Variants in COMMD10 observed in about 807,000 individuals in gnomAD.
The protein encoded by COMMD10 is COMM domain containing 10, also known as COMM domain-containing protein 10.
In COMMD10, 33 loss-of-function variants were observed where a neutral mutation model predicts 28.9. That is an observed-to-expected ratio of 1.14 (90% CI 0.87 to 1.53). The LOEUF (loss-of-function observed/expected upper bound fraction) is 1.53, where lower values mean the gene tolerates loss of function less well. COMMD10 is among the 40% of genes most tolerant of loss of function. COMMD10 has a pLI of 0.00. For missense variants in COMMD10, 310 were observed against 233.4 expected (o/e 1.33, Z -2.14); for synonymous variants, 110 against 81.7 (o/e 1.35, Z -1.87).
chr5:116,166,508 C>T lies in COMMD10; in HGVS notation c.510+32330C>T, dbSNP rs571927235. Among the ~76,000 whole-genome samples the T allele has an allele frequency of 4.6e-5, 7 of 151,750 alleles. No individual in the cohort carries two copies. In the East Asian group the frequency reaches 1.4e-3, roughly 29 times the overall value. The stretch of plus-strand genomic sequence containing the variant: ...CAAGCTCTGTTAAGGGACAGACTGC[C>T]TCCTCAAGTGGGTCCCCGGCCCCCG... On this transcript the variant is annotated intron_variant, in intron 5 of 6. Transcript: ENST00000274458.
chr5:116,095,051 G>C (rs953907377), intron 4 of COMMD10, among the ~76,000 whole-genome samples: 3 of 152,160 alleles, frequency 2.0e-5, no homozygotes, highest in African/African-American at 4.8e-5. Context: ...TGGATGAGTA[G>C]AAGTTGGTTA....
intron 2 of COMMD10, 120 bp downstream of exon 2, chr5:116,087,707 T>C (rs567086456): frequency 2.9e-5 from 19 of 660,528 alleles, no homozygotes; most frequent in African/African-American, 2.3e-4. Context: ...GAGACACTGG[T>C]TCTGTGGAAG....
At chr5:116,131,068 C>G (rs1276871314) in intron 4 of COMMD10, among the ~76,000 whole-genome samples, 1 of 151,750 alleles carries the variant, frequency 6.6e-6, no homozygotes, top group Non-Finnish European at 1.5e-5. Context: ...ACTGATTGGA[C>G]AGAACACTTA....
At chr5:116,105,217 C>A (rs533293731) in intron 4 of COMMD10, among the ~76,000 whole-genome samples, 1 of 152,220 alleles carries the variant, frequency 6.6e-6, no homozygotes, top group African/African-American at 2.4e-5. Context: ...TTGAGATAAT[C>A]TTGTTGTTTT....
intron 5 of COMMD10, among the ~76,000 whole-genome samples, chr5:116,150,090 C>A (rs923712672): frequency 6.6e-6 from 1 of 152,076 alleles, no homozygotes; most frequent in Non-Finnish European, 1.5e-5. Context: ...GCCAGTTTCC[C>A]CAGCACCATT....
Position 116,134,196 on chromosome 5 carries a change from A to G in COMMD10, c.510+18A>G, listed in dbSNP as rs774856054. ...ATTCAAAGGTAAGAAATGGTATCCC[A>G]TTAAAAGGATGTATTTTGTTTGTTA... On this transcript the variant is annotated intron_variant, in intron 5 of 6. Coordinates refer to ENST00000274458, the MANE Select transcript of COMMD10 (RefSeq NM_016144.4). 1.5e-6 allele frequency: 2 copies of G among 1,366,930 alleles called. No homozygotes were observed. Among genetic ancestry groups the G allele is most frequent in the East Asian group, 2.3e-5 (1 of 43,728 alleles). The allele number at this position is 1,366,930 out of a possible 1,614,324, so 84.7% of individuals were successfully genotyped here.
At chr5:116,166,424 G>A (rs569266351) in intron 5 of COMMD10, among the ~76,000 whole-genome samples, 1 of 152,270 alleles carries the variant, frequency 6.6e-6, no homozygotes, top group South Asian at 2.1e-4. Flanking sequence ...TTTGCACCAT[G>A]TAATGCATTG....
intron 5 of COMMD10, among the ~76,000 whole-genome samples, chr5:116,164,422 A>G (rs1753025204): frequency 6.6e-6 from 1 of 152,226 alleles, no homozygotes; most frequent in South Asian, 2.1e-4. Context: ...GGTAATTGAC[A>G]GTTGTTCACA....
At chr5:116,264,720 A>C (rs1486359983) in intron 5 of COMMD10, among the ~76,000 whole-genome samples, 1 of 151,658 alleles carries the variant, frequency 6.6e-6, no homozygotes, top group African/African-American at 2.4e-5. Flanking sequence ...TTTCTTTAGG[A>C]GCTTGATGGA....
intron 5 of COMMD10, among the ~76,000 whole-genome samples, chr5:116,189,668 G>T (rs996020120): frequency 4.6e-5 from 7 of 152,082 alleles, no homozygotes; most frequent in East Asian, 1.9e-4. Flanking sequence ...ATTTTTTATA[G>T]CCACAGCTGC....
chr5:116,162,867 A>G (rs534292128), intron 5 of COMMD10, among the ~76,000 whole-genome samples: 123 of 34,700 alleles, frequency 3.5e-3, no homozygotes, highest in African/African-American at 0.018. Context: ...TTTAGATACA[A>G]CACCTTTTTA....
At chr5:116,199,163 G>T (rs1580542188) in intron 5 of COMMD10, among the ~76,000 whole-genome samples, 1 of 152,108 alleles carries the variant, frequency 6.6e-6, no homozygotes, top group Admixed American at 6.6e-5. Context: ...TAGTAAGTGT[G>T]TAGTAGTTTC....
chr5:116,281,320 C>T (rs984448576), intron 5 of COMMD10, among the ~76,000 whole-genome samples: 2 of 151,600 alleles, frequency 1.3e-5, no homozygotes, highest in Non-Finnish European at 2.9e-5. Context: ...ATTCTATTTC[C>T]ATGGGAATTT....
At chr5:116,152,049 A>G (rs1265161848) in intron 5 of COMMD10, among the ~76,000 whole-genome samples, 1 of 152,124 alleles carries the variant, frequency 6.6e-6, no homozygotes, top group Non-Finnish European at 1.5e-5. Flanking sequence ...AGATTCTGGT[A>G]TGTTGTGTCT....
chr5:116,276,095 A>G (rs1386783171), intron 5 of COMMD10, among the ~76,000 whole-genome samples: 1 of 151,366 alleles, frequency 6.6e-6, no homozygotes, highest in East Asian at 1.9e-4. Flanking sequence ...CAGCAGGTGG[A>G]TAGGAGGGGG....
At chr5:116,204,290 G>A (rs1472913427) in intron 5 of COMMD10, among the ~76,000 whole-genome samples, 1 of 152,098 alleles carries the variant, frequency 6.6e-6, no homozygotes, top group East Asian at 1.9e-4. Context: ...CAATAATAAT[G>A]GAAGACTTTA....
intron 5 of COMMD10, among the ~76,000 whole-genome samples, chr5:116,272,521 T>G (rs1448961221): frequency 1.3e-5 from 2 of 151,802 alleles, no homozygotes; most frequent in African/African-American, 4.9e-5. Flanking sequence ...GCAAAATGAC[T>G]TGAACATCCC....
intron 2 of COMMD10, among the ~76,000 whole-genome samples, chr5:116,089,569 G>A (rs138105857): frequency 6.6e-6 from 1 of 152,180 alleles, no homozygotes; most frequent in African/African-American, 2.4e-5. Context: ...TGTTTAGTTT[G>A]TCTTTGACAC....
intron 5 of COMMD10, among the ~76,000 whole-genome samples, chr5:116,250,593 G>T (rs1284701370): frequency 1.3e-5 from 2 of 151,814 alleles, no homozygotes; most frequent in Non-Finnish European, 2.9e-5. Flanking sequence ...GATCCATGCA[G>T]CAAAGAAAAT....
Sources: allele counts gnomAD v4.1 joint callset (sites outside exome capture counted in the v4.1 genomes callset), GRCh38; gene constraint gnomAD v4.1.1; transcripts MANE v1.5; gene names NCBI Gene and HGNC (gene_info 2026-07-23, HGNC 2026-07-21).